The following CNGA3 variants were observed in gnomAD, a reference collection of about 807,000 sequenced individuals.
CNGA3 encodes cyclic nucleotide-gated channel alpha-3.
A neutral mutation model predicts 46.6 loss-of-function variants in CNGA3; 42 were observed. That is an observed-to-expected ratio of 0.90 (90% confidence interval 0.70 to 1.17). CNGA3 has a LOEUF of 1.17. CNGA3 is among the 50% of genes most tolerant of loss of function. CNGA3 has a pLI of 0.00. For synonymous variants in CNGA3, 394 were observed against 369.4 expected (o/e 1.07, Z -0.76); for missense variants, 893 against 890.7 (o/e 1.00, Z -0.03).
At chr2:98,378,992 G>C (rs775282995) in intron 3 of CNGA3, among the ~76,000 whole-genome samples, 3 of 152,230 alleles carry the variant, frequency 2.0e-5, no homozygotes, top group Non-Finnish European at 2.9e-5. Flanking sequence ...CCCTGTCTTC[G>C]AGTGGCTCTC....
Position 98,377,783 on chromosome 2 carries a change from C to CG in CNGA3, c.200dup (p.Gln68ProfsTer33), listed in dbSNP as rs1558811696. ...CTGACTCCGGGCAGGGCTCCTTCAC[C>CG]GGCCAGGGGATCGCCAGGTAACTGA... On this transcript the variant is annotated frameshift_variant, in exon 3 of 8. Transcript: ENST00000272602. LOFTEE classifies it high-confidence loss of function. The CG allele has an allele frequency of 6.2e-7, 1 of 1,611,228 alleles. No homozygotes were observed. Among genetic ancestry groups the CG allele is most frequent in the Admixed American group, 1.7e-5 (1 of 59,900 alleles).
intron 4 of CNGA3, 110 bp downstream of exon 4, chr2:98,380,464 T>A: frequency 8.3e-6 from 11 of 1,328,776 alleles, no homozygotes; most frequent in Non-Finnish European, 7.4e-6. Context: ...TGGAACGTCA[T>A]CCCCATGAGC....
chr2:98,386,139 C>G (rs1478430073), intron 5 of CNGA3, among the ~76,000 whole-genome samples: 1 of 152,172 alleles, frequency 6.6e-6, no homozygotes, highest in Non-Finnish European at 1.5e-5. Context: ...ATAGTAAGTG[C>G]TCAATAAATA....
intron 1 of CNGA3, among the ~76,000 whole-genome samples, chr2:98,354,149 G>A (rs754993145): frequency 1.3e-5 from 2 of 152,166 alleles, no homozygotes; most frequent in Admixed American, 6.5e-5. Context: ...ACCTAATACA[G>A]TGTAAATGCT....
chr2:98,396,374 A>G lies in CNGA3; in HGVS notation c.1204A>G (p.Met402Val), dbSNP rs368567533. The G allele has an allele frequency of 3.7e-6, 6 of 1,613,614 alleles. No homozygotes were observed. The African/African-American group carries it at 5.3e-5, about 14-fold the overall frequency. The change falls in exon 8 of 8, where the codon ATG becomes GTG. Residue 402 changes from methionine to valine, a missense_variant. Met to Val is a conservative substitution (Grantham distance 21). This residue lies in a region of CNGA3 where 548 missense variants were observed against 570.8 expected (regional missense o/e 0.96). Coordinates refer to ENST00000272602, the MANE Select transcript of CNGA3 (RefSeq NM_001298.3). The part of the protein sequence containing the change: ...FATIVGNVGS[M>V]ISNMNASRAE... ...CACCATTGTGGGCAATGTGGGCTCC[A>G]TGATCTCGAATATGAATGCCTCACG...
At position 98,395,943 on chromosome 2, in the gene CNGA3, C is replaced by G; in HGVS notation, c.773C>G (p.Pro258Arg). ...QFKLDVLSLV[P>R]TDLAYLKVGT... The stretch of plus-strand genomic sequence containing the variant: ...AAGCTGGATGTGTTGTCCCTGGTCC[C>G]CACCGACCTGGCTTACTTAAAGGTG... Residue 258 changes from proline (P) to arginine (R), a missense_variant, in exon 8 of 8, where the codon CCC becomes CGC. By Grantham distance (103) the Pro-to-Arg change is moderately radical (BLOSUM62 -2). Transcript: ENST00000272602. 6.2e-7 allele frequency: 1 copy of G among 1,614,168 alleles called. No individual in the cohort carries two copies. Among genetic ancestry groups the G allele is most frequent in the Non-Finnish European group, 8.5e-7 (1 of 1,180,036 alleles).
intron 2 of CNGA3, among the ~76,000 whole-genome samples, chr2:98,376,144 C>T (rs953277958): frequency 1.3e-5 from 2 of 152,096 alleles, no homozygotes; most frequent in African/African-American, 2.4e-5. Context: ...ATACACAAGC[C>T]GGGGTCCTCT....
intron 1 of CNGA3, among the ~76,000 whole-genome samples, chr2:98,361,044 T>G (rs1348625996): frequency 6.6e-6 from 1 of 151,922 alleles, no homozygotes; most frequent in Non-Finnish European, 1.5e-5. Context: ...TATTTTTAGT[T>G]CTGGGGTACA....
In CNGA3 at chr2:98,378,330, G is replaced by C; in HGVS notation, c.215+530G>C. ...GCTTCAACAGCTGCTCCATCCTGAG[G>C]AAGTCATTTCACCTTTTCAAATCTC... is the stretch of plus-strand genomic sequence containing the variant. On this transcript the variant is annotated intron_variant, in intron 3 of 7. Coordinates refer to ENST00000272602, the MANE Select transcript of CNGA3 (RefSeq NM_001298.3). 2.7e-6 allele frequency: 3 copies of C among 1,131,866 alleles called. No homozygotes were observed. The South Asian group carries it at 5.2e-5, about 20-fold the overall frequency. 70.1% of individuals were successfully genotyped at this position (1,131,866 alleles called of 1,614,324 possible). A position where few individuals can be genotyped will look rare whatever the true frequency, so the allele number is the denominator to read the frequency against.
In CNGA3 at chr2:98,367,167, G is replaced by GTTTATTTTCTTTTT. The variant is rs751611132; in HGVS notation, c.-37-2769_-37-2768insATTTTCTTTTTTTT. 7.1e-4 allele frequency among the ~76,000 whole-genome samples: 72 copies of GTTTATTTTCTTTTT among 101,598 alleles called. 7 individuals carry two copies. The highest frequency in any genetic ancestry group is 1.3e-3 in the African/African-American group (39 of 29,924). The allele number at this position is 101,598 out of a possible 152,430, so 66.7% of individuals were successfully genotyped here. On this transcript the variant is annotated intron_variant, in intron 1 of 7. Coordinates refer to ENST00000272602, the MANE Select transcript of CNGA3 (RefSeq NM_001298.3). Reference sequence around the variant, plus strand: ...TTGGTGAGAACCTCTGACATCAGCTGTTTTTTTTCTTTTTTTTCTTTTTTT... The same window carrying GTTTATTTTCTTTTT: ...TTGGTGAGAACCTCTGACATCAGCTGTTTATTTTCTTTTTTTTTTTTTCTTTTTTTTCTTTTTTT...
intron 4 of CNGA3, 85 bp from the exon 5 acceptor site, chr2:98,383,303 T>A: frequency 2.4e-6 from 3 of 1,252,134 alleles, no homozygotes; most frequent in Non-Finnish European, 3.5e-6. Context: ...GATTGGGGGG[T>A]GGGGCATGGT....
rs1691799308 is a variant in CNGA3 at position 98,352,984 on chromosome 2, T to C, written c.-38+6450T>C. On this transcript the variant is annotated intron_variant, in intron 1 of 7. Coordinates refer to ENST00000272602, the MANE Select transcript of CNGA3 (RefSeq NM_001298.3). ...ATCCACATATAACTCTTTTGGCTTC[T>C]TCAAAACTGATTTACTAATAGGCTT... Among the ~76,000 whole-genome samples, 3 of 152,344 alleles carry C rather than the reference T, an allele frequency of 2.0e-5. No individual in the cohort carries two copies. The South Asian group carries it at 6.2e-4, about 32-fold the overall frequency.
At chr2:98,380,090 G>C in intron 3 of CNGA3, 85 bp from the exon 4 acceptor site, 5 of 1,476,424 alleles carry the variant, frequency 3.4e-6, no homozygotes, top group Non-Finnish European at 1.9e-6. Flanking sequence ...GAGGGAGGGA[G>C]AAAGAGAGAG....
intron 2 of CNGA3, 95 bp downstream of exon 2, chr2:98,370,171 G>A: frequency 9.8e-7 from 1 of 1,019,328 alleles, no homozygotes; most frequent in East Asian, 2.6e-5. Context: ...CTTCACGTTG[G>A]CCAGCCACAG....
At chr2:98,372,108 G>A (rs1692301079) in intron 2 of CNGA3, among the ~76,000 whole-genome samples, 2 of 152,214 alleles carry the variant, frequency 1.3e-5, no homozygotes, top group Non-Finnish European at 2.9e-5. Context: ...ACTGGAGTAG[G>A]CACCCAGAAG....
intron 1 of CNGA3, among the ~76,000 whole-genome samples, chr2:98,356,251 T>C (rs113135111): frequency 0.042 from 6,424 of 152,308 alleles, 168 homozygotes; most frequent in Non-Finnish European, 0.061. Flanking sequence ...CAGCCTCACA[T>C]TTACTGATAA....
intron 2 of CNGA3, among the ~76,000 whole-genome samples, chr2:98,376,618 A>G (rs1367335462): frequency 6.6e-6 from 1 of 152,148 alleles, no homozygotes; most frequent in Non-Finnish European, 1.5e-5. Flanking sequence ...GGCCACCGTG[A>G]TGCAAGGACT....
At chr2:98,360,598 A>C (rs374185582) in intron 1 of CNGA3, among the ~76,000 whole-genome samples, 1 of 152,254 alleles carries the variant, frequency 6.6e-6, no homozygotes, top group Non-Finnish European at 1.5e-5. Flanking sequence ...TAAGTGCTCA[A>C]TTAAAAAGTG....
intron 1 of CNGA3, among the ~76,000 whole-genome samples, chr2:98,363,011 A>AT (rs1304671560): frequency 6.6e-6 from 1 of 152,084 alleles, no homozygotes; most frequent in African/African-American, 2.4e-5. Flanking sequence ...ATTGGTCTAT[A>AT]TCCCTATTTT....
Sources: gnomAD v4.1 joint callset for allele counts (sites outside exome capture counted in the v4.1 genomes callset) on GRCh38, gnomAD v4.1.1 for gene constraint, gnomAD v4.1.1 regional missense constraint, MANE v1.5 for transcripts, NCBI Gene and HGNC (gene_info 2026-07-23, HGNC 2026-07-21) for gene names.